Variants in HS3ST5 observed in about 807,000 individuals in gnomAD.
HS3ST5 encodes heparan sulfate glucosamine 3-O-sulfotransferase 5.
Under a neutral mutation model 25.4 loss-of-function variants are expected in HS3ST5, and 10 were observed. The ratio of observed to expected loss-of-function variants is 0.39; its 90% confidence interval spans 0.24 to 0.67. HS3ST5 has a LOEUF of 0.67. Among genes scored for constraint, HS3ST5 ranks in the 30% least tolerant of loss-of-function variants. The probability of loss-of-function intolerance (pLI) is 0.44; values close to 1 mark genes in which losing one functional copy is unlikely to be tolerated. For synonymous variants in HS3ST5, 170 were observed against 162.4 expected, an observed-to-expected ratio of 1.05 and a Z score of -0.36; for missense variants, 324 against 420.7, an observed-to-expected ratio of 0.77 and a Z score of 2.01.
intron 2 of HS3ST5, among the ~76,000 whole-genome samples, chr6:114,200,355 T>C (rs1409678996): frequency 6.6e-6 from 1 of 152,248 alleles, no homozygotes; most frequent in East Asian, 1.9e-4. Context: ...ATTTGAGAAC[T>C]AGTTATTGTT....
At chr6:114,071,728 ATGCTGTCTG>A (rs1773836123) in intron 3 of HS3ST5, among the ~76,000 whole-genome samples, 1 of 152,208 alleles carries the variant, frequency 6.6e-6, no homozygotes, top group South Asian at 2.1e-4. Context: ...GGTTTGCCAA[ATGCTGTCTG>A]TGTATAAATG....
intron 1 of HS3ST5, among the ~76,000 whole-genome samples, chr6:114,240,094 T>C (rs1772041800): frequency 6.6e-6 from 1 of 152,114 alleles, no homozygotes; most frequent in African/African-American, 2.4e-5. Flanking sequence ...CTTTAACTAC[T>C]ATTTAACGAA....
chr6:114,257,229 G>A (rs978579960), intron 1 of HS3ST5, among the ~76,000 whole-genome samples: 10 of 152,182 alleles, frequency 6.6e-5, no homozygotes, highest in African/African-American at 2.4e-4. Flanking sequence ...GGAGGCAGTA[G>A]GCTAAGGAAA....
intron 1 of HS3ST5, among the ~76,000 whole-genome samples, chr6:114,233,473 T>TA (rs1314648831): frequency 6.6e-6 from 1 of 152,130 alleles, no homozygotes; most frequent in Non-Finnish European, 1.5e-5. Flanking sequence ...AAAAAGGTAG[T>TA]AAAAAATAGA....
intron 3 of HS3ST5, among the ~76,000 whole-genome samples, chr6:114,099,306 A>T (rs1775610374): frequency 6.6e-6 from 1 of 152,160 alleles, no homozygotes; most frequent in Admixed American, 6.5e-5. Flanking sequence ...TACTTAGATC[A>T]TTTGTAAGAC....
intron 2 of HS3ST5, among the ~76,000 whole-genome samples, chr6:114,187,239 A>G (rs1780264652): frequency 6.6e-6 from 1 of 152,258 alleles, no homozygotes; most frequent in African/African-American, 2.4e-5. Flanking sequence ...TATAGCTGCC[A>G]TAGACAGTGA....
intron 2 of HS3ST5, among the ~76,000 whole-genome samples, chr6:114,184,783 G>A (rs1780139545): frequency 6.6e-6 from 1 of 152,178 alleles, no homozygotes; most frequent in Admixed American, 6.5e-5. Context: ...TGACCCAGTG[G>A]GTCTGGAGGG....
At chr6:114,242,510 A>C (rs1772176934) in intron 1 of HS3ST5, among the ~76,000 whole-genome samples, 1 of 152,140 alleles carries the variant, frequency 6.6e-6, no homozygotes, top group South Asian at 2.1e-4. Flanking sequence ...AAAATAAGTC[A>C]ATGCTGGTAG....
intron 1 of HS3ST5, among the ~76,000 whole-genome samples, chr6:114,264,789 A>T (rs1021224002): frequency 6.6e-6 from 1 of 152,204 alleles, no homozygotes; most frequent in Non-Finnish European, 1.5e-5. Flanking sequence ...CAAAGTAAGG[A>T]GAAGAGTTTC....
intron 3 of HS3ST5, among the ~76,000 whole-genome samples, chr6:114,075,177 C>T (rs12201804): frequency 0.11 from 16,388 of 152,208 alleles, 1,121 homozygotes; most frequent in Middle Eastern, 0.19. Context: ...ATATAAGATC[C>T]GCATCATCTG....
intron 1 of HS3ST5, among the ~76,000 whole-genome samples, chr6:114,259,661 A>G (rs1007051091): frequency 2.0e-4 from 31 of 152,252 alleles, no homozygotes; most frequent in African/African-American, 7.0e-4. Context: ...TCAATGTGGT[A>G]CGTCAATGTA....
intron 3 of HS3ST5, among the ~76,000 whole-genome samples, chr6:114,067,723 G>T (rs977231625): frequency 6.6e-6 from 1 of 152,040 alleles, no homozygotes; most frequent in Non-Finnish European, 1.5e-5. Flanking sequence ...TGGCAGGCCC[G>T]GTACGCATTC....
At chr6:114,280,283 A>G (rs1253176112) in intron 1 of HS3ST5, among the ~76,000 whole-genome samples, 1 of 151,952 alleles carries the variant, frequency 6.6e-6, no homozygotes, top group Non-Finnish European at 1.5e-5. Context: ...CCCAGGATAC[A>G]GGGGGTGATA....
In HS3ST5 at chr6:114,058,106, C is replaced by T; in HGVS notation, c.192G>A (p.Lys64=). The T allele has an allele frequency of 6.2e-7, 1 of 1,614,114 alleles. No individual in the cohort carries two copies. The highest frequency in any genetic ancestry group is 8.5e-7 in the Non-Finnish European group (1 of 1,180,002). Reference sequence around the variant, plus strand: ...TCCGGAACTCGTGCAGCAGGCCACGCTTAAACTGCAGGGCGCGAAGTGGGA... The same window carrying T: ...TCCGGAACTCGTGCAGCAGGCCACGTTTAAACTGCAGGGCGCGAAGTGGGA... ...AEFPLRALQF[K]RGLLHEFRKG... Residue 64 remains lysine, a synonymous_variant, in exon 5 of 5, where the codon AAG becomes AAA. Coordinates refer to ENST00000312719, the MANE Select transcript of HS3ST5 (RefSeq NM_153612.4).
intron 3 of HS3ST5, among the ~76,000 whole-genome samples, chr6:114,158,990 C>A (rs1422855594): frequency 1.3e-5 from 2 of 152,186 alleles, no homozygotes; most frequent in Non-Finnish European, 2.9e-5. Flanking sequence ...ATAGCAGATT[C>A]TCATTATCTG....
intron 1 of HS3ST5, among the ~76,000 whole-genome samples, chr6:114,236,501 T>A (rs1435670671): frequency 1.3e-5 from 2 of 152,196 alleles, no homozygotes; most frequent in Non-Finnish European, 2.9e-5. Context: ...TATTTTGTTT[T>A]TGATTAATAA....
chr6:114,062,261 C>T (rs142836204), intron 4 of HS3ST5, among the ~76,000 whole-genome samples: 7 of 152,328 alleles, frequency 4.6e-5, no homozygotes, highest in Non-Finnish European at 7.3e-5. Context: ...AAACTCCCCA[C>T]GCCTGCAGCC....
chr6:114,204,528 G>A (rs1328503553), intron 2 of HS3ST5, among the ~76,000 whole-genome samples: 1 of 152,072 alleles, frequency 6.6e-6, no homozygotes, highest in Non-Finnish European at 1.5e-5. Flanking sequence ...TAGGGTTGAT[G>A]CATTTTTTAA....
intron 3 of HS3ST5, among the ~76,000 whole-genome samples, chr6:114,074,157 T>C (rs1773987369): frequency 6.6e-6 from 1 of 151,538 alleles, no homozygotes; most frequent in Admixed American, 6.6e-5. Context: ...GGTAGGAGGC[T>C]GGGGGAGGGA....
Sources: allele counts gnomAD v4.1 joint callset (sites outside exome capture counted in the v4.1 genomes callset), GRCh38; gene constraint gnomAD v4.1.1; transcripts MANE v1.5; gene names NCBI Gene and HGNC (gene_info 2026-07-23, HGNC 2026-07-21).